Variants in PLAAT5 observed in about 807,000 individuals in gnomAD.
The protein encoded by PLAAT5 is phospholipase A and acyltransferase 5.
PLAAT5 carries 27 observed loss-of-function variants against 27.8 expected under a neutral mutation model. The observed-to-expected ratio is 0.97, with a 90% CI of 0.72 to 1.34. The LOEUF (loss-of-function observed/expected upper bound fraction) is 1.34, where lower values mean the gene tolerates loss of function less well. Ranked by LOEUF, PLAAT5 falls within the 40% of genes most tolerant of loss-of-function variation. PLAAT5 has a pLI of 0.00. For synonymous variants in PLAAT5, 125 were observed against 136.1 expected, an observed-to-expected ratio of 0.92 and a Z score of 0.57; for missense variants, 368 against 343.8, an observed-to-expected ratio of 1.07 and a Z score of -0.56.
At chr11:63,469,025 C>T (rs1195209985) in intron 3 of PLAAT5, among the ~76,000 whole-genome samples, 4 of 151,862 alleles carry the variant, frequency 2.6e-5, no homozygotes, top group Non-Finnish European at 5.9e-5. Context: ...GTGCCCCCAT[C>T]CTCTGCACAC....
intron 3 of PLAAT5, chr11:63,470,538 T>C (rs933843361): frequency 2.6e-5 from 4 of 154,682 alleles, no homozygotes; most frequent in African/African-American, 9.7e-5. Context: ...CCACACCTCA[T>C]ACTTTTCTAA....
Position 63,488,423 on chromosome 11 carries a change from CAT to C in PLAAT5, c.345+446_345+447del, listed in dbSNP as rs918832405. On this transcript the variant is annotated intron_variant, in intron 3 of 5. Coordinates refer to ENST00000540857, the MANE Select transcript of PLAAT5 (RefSeq NM_001146729.2). ...TGTATCAAACTATACACTTCACTGG[CAT>C]ATATATATGCCAAATTTATCAAATT... Among the ~76,000 whole-genome samples the C allele has an allele frequency of 1.2e-4, 19 of 152,152 alleles. No individual in the cohort carries two copies. In the Middle Eastern group the frequency reaches 0.01, roughly 82 times the overall value.
chr11:63,489,859 C>T (rs1273548052), intron 2 of PLAAT5, among the ~76,000 whole-genome samples: 1 of 152,208 alleles, frequency 6.6e-6, no homozygotes, highest in African/African-American at 2.4e-5. Flanking sequence ...AAAATTTCAG[C>T]CCCTCGGAAT....
intron 4 of PLAAT5, among the ~76,000 whole-genome samples, chr11:63,468,121 A>T (rs1262500605): frequency 1.3e-5 from 2 of 152,174 alleles, no homozygotes; most frequent in East Asian, 1.9e-4. Context: ...GCCCTCTAGG[A>T]GGTCAGGGAA....
At position 63,466,381 on chromosome 11, in the gene PLAAT5, C is replaced by G. The variant is rs772923642; in HGVS notation, c.455-9G>C. ...CACCTCAAACTCCTCACCTGGAGACCAAAGACAAACAAAGGTTGGGAAATA... is the reference window on the plus strand; with the variant it reads ...CACCTCAAACTCCTCACCTGGAGACGAAAGACAAACAAAGGTTGGGAAATA... On this transcript the variant is annotated splice_polypyrimidine_tract_variant and intron_variant, in intron 4 of 5. Transcript: ENST00000540857. The G allele has an allele frequency of 3.1e-6, 5 of 1,612,936 alleles. No homozygotes were observed. The highest frequency in any genetic ancestry group is 4.2e-6 in the Non-Finnish European group (5 of 1,179,512).
In PLAAT5 at chr11:63,463,580, T is replaced by C. The variant is rs752571830; in HGVS notation, c.733A>G (p.Met245Val). The change falls in exon 6 of 6, where the codon ATG (methionine) becomes GTG (valine). Residue 245 changes from methionine to valine, a missense_variant. By Grantham distance (21) the Met-to-Val change is conservative. Coordinates refer to ENST00000540857, the MANE Select transcript of PLAAT5 (RefSeq NM_001146729.2). ...GCTCCAGCAGCCTTCGCTCCTTCCA[T>C]CAGGGCGTGCTCTACCTGCAAAGCA... Reference protein sequence around the residue: ...PRSQQVEHALMEGAKAAGAVI... With the variant: ...PRSQQVEHALVEGAKAAGAVI... 1 of 1,613,662 alleles carries C rather than the reference T, an allele frequency of 6.2e-7. No individual in the cohort carries two copies. Among genetic ancestry groups the C allele is most frequent in the East Asian group, 2.2e-5 (1 of 44,886 alleles).
At chr11:63,481,749 CT>C (rs1194986606) in intron 3 of PLAAT5, among the ~76,000 whole-genome samples, 9 of 152,150 alleles carry the variant, frequency 5.9e-5, no homozygotes, top group Non-Finnish European at 1.0e-4. Context: ...AGTTCATGTC[CT>C]TTGTAGGGAC....
At chr11:63,470,867 A>T (rs2016005810) in intron 3 of PLAAT5, 1 of 152,188 alleles carries the variant, frequency 6.6e-6, no homozygotes, top group Admixed American at 6.5e-5. Flanking sequence ...ACTTTCAGAA[A>T]ATATAAGCCT....
intron 4 of PLAAT5, 108 bp downstream of exon 4, chr11:63,468,249 G>T (rs928587726): frequency 3.6e-6 from 3 of 825,470 alleles, no homozygotes; most frequent in Non-Finnish European, 6.0e-6. Flanking sequence ...GCTTCAAGGG[G>T]TCCCATTGCT....
At chr11:63,473,887 G>A (rs1167528510) in intron 3 of PLAAT5, among the ~76,000 whole-genome samples, 1 of 151,386 alleles carries the variant, frequency 6.6e-6, no homozygotes, top group East Asian at 1.9e-4. Context: ...AATTTATTTG[G>A]TTTGTTTCAC....
Position 63,490,590 on chromosome 11 carries a change from C to G in PLAAT5, c.149-257G>C, listed in dbSNP as rs895179920. On this transcript the variant is annotated intron_variant, in intron 1 of 5. Coordinates refer to ENST00000540857, the MANE Select transcript of PLAAT5 (RefSeq NM_001146729.2). ...GAGGATGAAGAAGGGCGCCTCGCCT[C>G]TATCCTAAGCCCGATGGGAGGAACC... 22 of 630,996 alleles carry G rather than the reference C, an allele frequency of 3.5e-5. No homozygotes were observed. The South Asian group carries it at 4.3e-4, about 12-fold the overall frequency. 39.1% of individuals were successfully genotyped at this position (630,996 alleles called of 1,614,324 possible).
chr11:63,489,887 A>C (rs1290986002), intron 2 of PLAAT5, among the ~76,000 whole-genome samples: 1 of 152,218 alleles, frequency 6.6e-6, no homozygotes, highest in Non-Finnish European at 1.5e-5. Flanking sequence ...AGCAGCAATC[A>C]TCATGTTGTT....
Position 63,462,437 on chromosome 11 carries a change from C to A in PLAAT5, c.*1066G>T, listed in dbSNP as rs983861181. The A allele has an allele frequency of 1.3e-5, 2 of 152,110 alleles. No individual in the cohort carries two copies. The highest frequency in any genetic ancestry group is 4.8e-5 in the African/African-American group (2 of 41,416). 9.4% of individuals were successfully genotyped at this position (152,110 alleles called of 1,614,324 possible). On this transcript the variant is annotated 3_prime_UTR_variant, in exon 6 of 6. Coordinates refer to ENST00000540857, the MANE Select transcript of PLAAT5 (RefSeq NM_001146729.2). ...ACAGGAGGCCATTGAGTTTAGATTG[C>A]TAAGAAAAGGATGGAGGGTAAAAAC...
intron 4 of PLAAT5, 82 bp downstream of exon 4, chr11:63,468,275 C>G: frequency 9.8e-7 from 1 of 1,023,938 alleles, no homozygotes; most frequent in Non-Finnish European, 1.5e-6. Flanking sequence ...ATGGCAGTAA[C>G]TGAGGAACAC....
intron 3 of PLAAT5, among the ~76,000 whole-genome samples, chr11:63,488,462 A>G (rs549417328): frequency 2.0e-5 from 3 of 152,288 alleles, no homozygotes; most frequent in African/African-American, 7.2e-5. Context: ...TATATTTTAG[A>G]TATGTGGAGT....
At chr11:63,466,078 A>G in intron 5 of PLAAT5, 32 bp downstream of exon 5, 1 of 1,600,144 alleles carries the variant, frequency 6.2e-7, no homozygotes, top group Non-Finnish European at 8.5e-7. Context: ...AAGCTCTGGA[A>G]GAAGCCATCA....
rs143883785 is a variant in PLAAT5, at chr11:63,478,140, T to C, written c.346-9675A>G. On this transcript the variant is annotated intron_variant, in intron 3 of 5. Coordinates refer to ENST00000540857, the MANE Select transcript of PLAAT5 (RefSeq NM_001146729.2). ...CTTCCATGATTGTCACTGAGATAACTCTTGTTTTCAACAACCCTGGGCATG... is the reference window on the plus strand; with the variant it reads ...CTTCCATGATTGTCACTGAGATAACCCTTGTTTTCAACAACCCTGGGCATG... Among the ~76,000 whole-genome samples the C allele has an allele frequency of 4.1e-3, 629 of 152,250 alleles. 4 individuals are homozygous for C. Among genetic ancestry groups the C allele is most frequent in the African/African-American group, 0.014 (566 of 41,540 alleles).
chr11:63,477,456 A>T (rs1033256358), intron 3 of PLAAT5, among the ~76,000 whole-genome samples: 3 of 151,944 alleles, frequency 2.0e-5, no homozygotes, highest in Non-Finnish European at 4.4e-5. Flanking sequence ...ATATCTGCTT[A>T]GAGTTTTTTT....
intron 3 of PLAAT5, among the ~76,000 whole-genome samples, chr11:63,484,780 G>T (rs759465386): frequency 1.3e-5 from 2 of 152,198 alleles, no homozygotes; most frequent in Non-Finnish European, 2.9e-5. Flanking sequence ...CATAGTGCTA[G>T]AAGTCCTAGC....
Sources: allele counts gnomAD v4.1 joint callset (sites outside exome capture counted in the v4.1 genomes callset), GRCh38; gene constraint gnomAD v4.1.1; transcripts MANE v1.5; gene names NCBI Gene and HGNC (gene_info 2026-07-23, HGNC 2026-07-21).